Variants in TSPEAR observed in about 807,000 individuals in gnomAD.
TSPEAR encodes the protein thrombospondin type laminin G domain and EAR repeats.
A neutral mutation model predicts 71.6 loss-of-function variants in TSPEAR; 69 were observed. The ratio of observed to expected loss-of-function variants is 0.96; its 90% CI spans 0.79 to 1.18. The LOEUF (loss-of-function observed/expected upper bound fraction) is 1.18. Ranked by LOEUF, TSPEAR falls within the 50% of genes most tolerant of loss-of-function variation. The pLI, the probability that TSPEAR is intolerant of heterozygous loss-of-function variation, is 0.00. For missense variants in TSPEAR, 971 were observed against 894.9 expected (o/e 1.09, Z -1.09); for synonymous variants, 402 against 387.2 (o/e 1.04, Z -0.45).
chr21:44,627,191 C>A, intron 1 of TSPEAR: 3 of 1,612,950 alleles, frequency 1.9e-6, no homozygotes, highest in East Asian at 2.2e-5. Context: ...TCCACCATGT[C>A]CATCCGCTCC....
In TSPEAR at chr21:44,580,114, A is replaced by C. The variant is rs782348101; in HGVS notation, c.83-12109T>G. 1.4e-5 allele frequency: 22 copies of C among 1,594,548 alleles called. No individual in the cohort carries two copies. The Admixed American group carries it at 1.9e-4, about 14-fold the overall frequency. On this transcript the variant is annotated intron_variant, in intron 1 of 11. Coordinates refer to ENST00000323084, the MANE Select transcript of TSPEAR (RefSeq NM_144991.3). Reference sequence around the variant, plus strand: ...TGCAGCAAGTCGGCTGGCAGCTAGAATGCTGGCAGCATGAAGAGGAATCCT... The same window carrying C: ...TGCAGCAAGTCGGCTGGCAGCTAGACTGCTGGCAGCATGAAGAGGAATCCT...
chr21:44,521,575 G>A (rs1222964788), intron 9 of TSPEAR, among the ~76,000 whole-genome samples: 4 of 152,238 alleles, frequency 2.6e-5, no homozygotes, highest in Non-Finnish European at 4.4e-5. Flanking sequence ...CTGAGCCCGG[G>A]GGCTGCTTTA....
intron 1 of TSPEAR, among the ~76,000 whole-genome samples, chr21:44,705,750 G>A (rs937819585): frequency 6.6e-6 from 1 of 152,204 alleles, no homozygotes; most frequent in African/African-American, 2.4e-5. Context: ...AATGGTGCCC[G>A]AAACTTCATT....
intron 2 of TSPEAR, among the ~76,000 whole-genome samples, chr21:44,548,511 A>G (rs1555918033): frequency 6.6e-6 from 1 of 152,166 alleles, no homozygotes; most frequent in Non-Finnish European, 1.5e-5. Flanking sequence ...GAAGCCCAGG[A>G]CAGTGTGGGA....
At chr21:44,577,804 A>G in intron 1 of TSPEAR, among the ~76,000 whole-genome samples, 1 of 152,252 alleles carries the variant, frequency 6.6e-6, no homozygotes, top group Admixed American at 6.5e-5. Context: ...TTTACTGGTC[A>G]TTATAAAACA....
intron 2 of TSPEAR, among the ~76,000 whole-genome samples, chr21:44,542,617 T>C (rs1191688809): frequency 6.6e-6 from 1 of 150,956 alleles, no homozygotes; most frequent in Non-Finnish European, 1.5e-5. Flanking sequence ...ACTTTGGTGG[T>C]ACATTTGTAG....
At position 44,573,746 on chromosome 21, in the gene TSPEAR, A is replaced by G. The variant is rs368003811; in HGVS notation, c.83-5741T>C. 5.7e-5 allele frequency: 91 copies of G among 1,601,886 alleles called. 1 individual carries two copies. The African/African-American group carries it at 6.9e-4, about 12-fold the overall frequency. On this transcript the variant is annotated intron_variant, in intron 1 of 11. Coordinates refer to ENST00000323084, the MANE Select transcript of TSPEAR (RefSeq NM_144991.3). ...TCTCCCCCAGCTCAACCCCCAGCAC[A>G]GCAGCATCCACCATGTCCGTCTGCT...
At chr21:44,581,976 T>C (rs1979006676) in intron 1 of TSPEAR, among the ~76,000 whole-genome samples, 1 of 152,252 alleles carries the variant, frequency 6.6e-6, no homozygotes, top group African/African-American at 2.4e-5. Context: ...GCCTCCCTTT[T>C]TGTTAGACAA....
At chr21:44,609,284 A>G (rs1253905166) in intron 1 of TSPEAR, among the ~76,000 whole-genome samples, 1 of 152,252 alleles carries the variant, frequency 6.6e-6, no homozygotes, top group Non-Finnish European at 1.5e-5. Flanking sequence ...TTCCACCCAG[A>G]AATTATATCC....
intron 1 of TSPEAR, chr21:44,602,038 A>G (rs1485453470): frequency 6.2e-5 from 30 of 486,384 alleles, no homozygotes; most frequent in Non-Finnish European, 8.2e-5. Context: ...ACAGGTACCA[A>G]CTGGGTTTCT....
intron 1 of TSPEAR, among the ~76,000 whole-genome samples, chr21:44,674,456 T>C (rs73234823): frequency 0.039 from 5,883 of 152,002 alleles, 128 homozygotes; most frequent in Middle Eastern, 0.085. Flanking sequence ...GTGACTCATG[T>C]CTGTAATCCT....
intron 1 of TSPEAR, among the ~76,000 whole-genome samples, chr21:44,667,662 G>C (rs587640680): frequency 1.4e-4 from 21 of 152,264 alleles, no homozygotes; most frequent in African/African-American, 4.6e-4. Flanking sequence ...GCTGAATATA[G>C]AAGGTTCCAA....
intron 1 of TSPEAR, among the ~76,000 whole-genome samples, chr21:44,573,385 C>T (rs1978291458): frequency 6.6e-6 from 1 of 152,078 alleles, no homozygotes; most frequent in Non-Finnish European, 1.5e-5. Context: ...CACCCGCAGG[C>T]ACCCACTCCC....
Position 44,658,214 on chromosome 21 carries a change from C to T in TSPEAR, c.82+53219G>A, listed in dbSNP as rs782067379. 2.5e-6 allele frequency: 4 copies of T among 1,614,166 alleles called. No individual in the cohort carries two copies. The South Asian group carries it at 3.3e-5, about 13-fold the overall frequency. On this transcript the variant is annotated intron_variant, in intron 1 of 11. Transcript: ENST00000323084. ...CCAATCTTCGGGGTGCTGCCAGCCC[C>T]CCTGCACCACTGCCCTCTGCAGACC...
In TSPEAR at chr21:44,711,529, C is replaced by T. The variant is rs1988224138; in HGVS notation, c.-15G>A. 6.2e-7 allele frequency: 1 copy of T among 1,607,412 alleles called. No individual in the cohort carries two copies. Among genetic ancestry groups the T allele is most frequent in the Non-Finnish European group, 8.5e-7 (1 of 1,177,354 alleles). Reference sequence around the variant, plus strand: ...AGGGCAGACATGAGGGGCTTGGGTGCCAAGCTCCATCCAGGGCTCCGCTCA... The same window carrying T: ...AGGGCAGACATGAGGGGCTTGGGTGTCAAGCTCCATCCAGGGCTCCGCTCA... On this transcript the variant is annotated 5_prime_UTR_variant, in exon 1 of 12. Coordinates refer to ENST00000323084, the MANE Select transcript of TSPEAR (RefSeq NM_144991.3). This position sits in a 1 kb window ranked among gnomAD's most constrained non-coding sequence, Gnocchi z 4.5.
At chr21:44,619,752 A>AT (rs1320198696) in intron 1 of TSPEAR, among the ~76,000 whole-genome samples, 14 of 152,254 alleles carry the variant, frequency 9.2e-5, no homozygotes, top group Non-Finnish European at 1.8e-4. Context: ...TCAACAGCAG[A>AT]TTTTAGCAGC....
At chr21:44,592,727 G>A (rs374470747) in intron 1 of TSPEAR, among the ~76,000 whole-genome samples, 4 of 152,148 alleles carry the variant, frequency 2.6e-5, no homozygotes, top group Middle Eastern at 3.2e-3. Context: ...GGAATTGGGC[G>A]GGGCCTGGTC....
chr21:44,573,695 C>T (rs1978294331), intron 1 of TSPEAR: 2 of 1,574,890 alleles, frequency 1.3e-6, no homozygotes, highest in South Asian at 2.4e-5. Flanking sequence ...GAGCACCTCA[C>T]TCACTCGCTC....
rs887165831 is a variant in TSPEAR, at chr21:44,538,428, C to A, written c.304-4505G>T. Among the ~76,000 whole-genome samples, 11 of 126,386 alleles carry A rather than the reference C, an allele frequency of 8.7e-5. No homozygotes were observed. The East Asian group carries it at 9.3e-4, about 11-fold the overall frequency. 82.9% of individuals were successfully genotyped at this position (126,386 alleles called of 152,430 possible). On this transcript the variant is annotated intron_variant, in intron 2 of 11. Transcript: ENST00000323084. ...CACCTGTGTGGAAACTGCTGCCCCC[C>A]CCCCCCCCAAGAGGAGAACCTGGGC...
Sources: gnomAD v4.1 joint callset for allele counts (sites outside exome capture counted in the v4.1 genomes callset) on GRCh38, gnomAD v4.1.1 for gene constraint, Gnocchi (gnomAD v3.1) non-coding constraint, MANE v1.5 for transcripts, NCBI Gene and HGNC (gene_info 2026-07-23, HGNC 2026-07-21) for gene names.